The following MANBA variants were observed in gnomAD, a reference collection of about 807,000 sequenced individuals.
MANBA encodes the protein mannosidase beta.
A neutral mutation model predicts 111.1 loss-of-function variants in MANBA; 83 were observed. The ratio of observed to expected loss-of-function variants is 0.75; its 90% CI spans 0.63 to 0.90. The LOEUF (loss-of-function observed/expected upper bound fraction) is 0.90. MANBA is among the 40% of genes least tolerant of loss of function. MANBA has a pLI of 0.00. For synonymous variants in MANBA, 370 were observed against 378.7 expected (o/e 0.98, Z 0.27); for missense variants, 1,036 against 1,069.0 (o/e 0.97, Z 0.43).
intron 11 of MANBA, chr4:102,662,847 G>A (rs1731032699): frequency 6.5e-6 from 1 of 154,310 alleles, no homozygotes; most frequent in Middle Eastern, 3.1e-3. Flanking sequence ...ACAAGTGCAA[G>A]ATTGTTGCCA....
chr4:102,750,889 G>C (rs1042240210), intron 1 of MANBA, among the ~76,000 whole-genome samples: 1 of 151,874 alleles, frequency 6.6e-6, no homozygotes, highest in Non-Finnish European at 1.5e-5. Context: ...CTTCAGCCTG[G>C]GTGACAGAGT....
intron 7 of MANBA, among the ~76,000 whole-genome samples, chr4:102,684,961 C>T (rs571660100): frequency 6.6e-6 from 1 of 152,130 alleles, no homozygotes; most frequent in Non-Finnish European, 1.5e-5. Context: ...ACTGAAACCA[C>T]AGATAAGGAG....
chr4:102,663,857 T>C (rs1731080656), intron 11 of MANBA, among the ~76,000 whole-genome samples: 1 of 152,148 alleles, frequency 6.6e-6, no homozygotes, highest in Non-Finnish European at 1.5e-5. Flanking sequence ...AAAAGGCCAA[T>C]TTATATTAAC....
chr4:102,759,949 C>T (rs1033469360), intron 1 of MANBA, among the ~76,000 whole-genome samples: 2 of 152,156 alleles, frequency 1.3e-5, no homozygotes, highest in African/African-American at 4.8e-5. Context: ...CAAGTAAAGA[C>T]AACACGTGGG....
intron 7 of MANBA, among the ~76,000 whole-genome samples, chr4:102,682,125 T>C (rs917457729): frequency 4.0e-5 from 5 of 123,992 alleles, no homozygotes; most frequent in African/African-American, 1.3e-4. Context: ...CCAGCCTAGG[T>C]AACAAAAGAC....
intron 5 of MANBA, among the ~76,000 whole-genome samples, chr4:102,699,400 T>C (rs1301365104): frequency 6.6e-6 from 1 of 152,022 alleles, no homozygotes; most frequent in Non-Finnish European, 1.5e-5. Context: ...CTATGTTGAA[T>C]AGGAATGGTG....
Position 102,659,448 on chromosome 4 carries a change from A to G in MANBA, c.1486-1548T>C, listed in dbSNP as rs556245175. ...TGTTTCTATTCTGCTATTAAGAAAA[A>G]AAAATCCTTAACCCTTTCCTTTGCC... is the stretch of plus-strand genomic sequence containing the variant. On this transcript the variant is annotated intron_variant, in intron 11 of 16. Transcript: ENST00000647097. Among the ~76,000 whole-genome samples, 4 of 152,246 alleles carry G rather than the reference A, an allele frequency of 2.6e-5. No homozygotes were observed. The East Asian group carries it at 7.7e-4, about 29-fold the overall frequency.
chr4:102,734,221 A>T (rs1723127409), intron 1 of MANBA: 1 of 741,576 alleles, frequency 1.3e-6, no homozygotes. Context: ...GTTATGTGAG[A>T]ACCCTCTGTA....
At chr4:102,654,729 A>G (rs951544811) in intron 12 of MANBA, among the ~76,000 whole-genome samples, 1 of 152,238 alleles carries the variant, frequency 6.6e-6, no homozygotes, top group Admixed American at 6.5e-5. Flanking sequence ...TATTGTCAAT[A>G]TAACACTAAA....
At chr4:102,724,872 C>T (rs1722734551) in intron 2 of MANBA, among the ~76,000 whole-genome samples, 1 of 152,086 alleles carries the variant, frequency 6.6e-6, no homozygotes, top group Admixed American at 6.5e-5. Flanking sequence ...TGTATTCATA[C>T]AATAAAATAC....
At chr4:102,663,092 A>C (rs1303062905) in intron 11 of MANBA, 1 of 152,214 alleles carries the variant, frequency 6.6e-6, no homozygotes. Flanking sequence ...TGTTTAAAAA[A>C]TAAAAGAGCT....
chr4:102,689,555 T>A lies in MANBA; in HGVS notation c.960+19A>T, dbSNP rs751815472. On this transcript the variant is annotated intron_variant, in intron 7 of 16. Transcript: ENST00000647097. ...AGAAATAAAATTATTTCACAAAATA[T>A]TTTAAATTACTTACTTACCTTAGCT... is the stretch of plus-strand genomic sequence containing the variant. 1 of 1,405,404 alleles carries A rather than the reference T, an allele frequency of 7.1e-7. No homozygotes were observed. The highest frequency in any genetic ancestry group is 1.0e-6 in the Non-Finnish European group (1 of 998,670). 87.1% of individuals were successfully genotyped at this position (1,405,404 alleles called of 1,614,324 possible).
chr4:102,760,445 A>C (rs540221753), intron 1 of MANBA, among the ~76,000 whole-genome samples: 10 of 152,326 alleles, frequency 6.6e-5, no homozygotes, highest in African/African-American at 2.2e-4. Context: ...GACTGCAGTA[A>C]GTAAACTGCT....
chr4:102,707,417 C>G (rs531112168), intron 5 of MANBA, among the ~76,000 whole-genome samples: 1 of 152,252 alleles, frequency 6.6e-6, no homozygotes, highest in Admixed American at 6.5e-5. Context: ...ACCAGACCTA[C>G]AAGAAATGGT....
At chr4:102,752,242 C>G in intron 1 of MANBA, 3 of 1,035,928 alleles carry the variant, frequency 2.9e-6, no homozygotes, top group Non-Finnish European at 4.6e-6. Flanking sequence ...TTGAGTCTGA[C>G]AGTCTGAAGG....
chr4:102,659,087 T>C (rs1275127877), intron 11 of MANBA: 2 of 152,210 alleles, frequency 1.3e-5, no homozygotes, highest in African/African-American at 4.8e-5. Flanking sequence ...AGAGAATCTA[T>C]GACTCTGTCA....
chr4:102,757,102 G>C (rs1220100383), intron 1 of MANBA, among the ~76,000 whole-genome samples: 2 of 152,130 alleles, frequency 1.3e-5, no homozygotes, highest in African/African-American at 4.8e-5. Flanking sequence ...GGCCGAGGCA[G>C]GTGGATGGCC....
rs540542916 is a variant in MANBA at position 102,693,053 on chromosome 4, G to T, written c.674-2282C>A. 4.6e-5 allele frequency among the ~76,000 whole-genome samples: 7 copies of T among 152,246 alleles called. No homozygotes were observed. In the South Asian group the frequency reaches 1.5e-3, roughly 32 times the overall value. On this transcript the variant is annotated intron_variant, in intron 5 of 16. Transcript: ENST00000647097. ...GAAGTAAAATTAATCCTGGACTTAAGAACTATTTTTGTTTATTAAGTGATT... is the reference window on the plus strand; with the variant it reads ...GAAGTAAAATTAATCCTGGACTTAATAACTATTTTTGTTTATTAAGTGATT...
At chr4:102,740,194 A>G (rs1332455516) in intron 1 of MANBA, among the ~76,000 whole-genome samples, 5 of 152,186 alleles carry the variant, frequency 3.3e-5, no homozygotes, top group Non-Finnish European at 5.9e-5. Flanking sequence ...CTTTTACAAT[A>G]GCTGCAAAAA....
Sources: gnomAD v4.1 joint callset for allele counts (sites outside exome capture counted in the v4.1 genomes callset) on GRCh38, gnomAD v4.1.1 for gene constraint, MANE v1.5 for transcripts, NCBI Gene and HGNC (gene_info 2026-07-23, HGNC 2026-07-21) for gene names.